TLCD2: variants seen among roughly 807,000 people sequenced by gnomAD.
TLCD2 encodes the protein TLC domain-containing protein 2.
A neutral mutation model predicts 14.0 loss-of-function variants in TLCD2; 12 were observed. The ratio of observed to expected loss-of-function variants is 0.86; its 90% confidence interval spans 0.55 to 1.39. The LOEUF is 1.39. Among genes scored for constraint, TLCD2 ranks in the 40% most tolerant of loss-of-function variants. TLCD2 has a pLI of 0.00. For missense variants in TLCD2, 360 were observed against 346.8 expected, an observed-to-expected ratio of 1.04 and a Z score of -0.30; for synonymous variants, 166 against 156.5, an observed-to-expected ratio of 1.06 and a Z score of -0.45.
Position 1,705,153 on chromosome 17 carries a change from A to G in TLCD2, c.*2617T>C, listed in dbSNP as rs1913992887. On this transcript the variant is annotated 3_prime_UTR_variant, in exon 4 of 4. Transcript: ENST00000330676. The stretch of plus-strand genomic sequence containing the variant: ...CAGTCTCTGCCGACCGGTTACTGTC[A>G]GCCTGTCTTTAGGGTTTGCGCTGCA... 1 of 152,168 alleles carries G rather than the reference A, an allele frequency of 6.6e-6. No homozygotes were observed. The highest frequency in any genetic ancestry group is 1.5e-5 in the Non-Finnish European group (1 of 68,098). The allele number at this position is 152,168 out of a possible 1,614,324, so 9.4% of individuals were successfully genotyped here.
In TLCD2 at chr17:1,707,454, C is replaced by G; in HGVS notation, c.*316G>C. 2 of 341,256 alleles carry G rather than the reference C, an allele frequency of 5.9e-6. No individual in the cohort carries two copies. Among genetic ancestry groups the G allele is most frequent in the Middle Eastern group, 7.9e-4 (1 of 1,272 alleles). The allele number at this position is 341,256 out of a possible 1,614,324, so 21.1% of individuals were successfully genotyped here. ...TTAAAGCAAAGAGCTTCTGTCTCCA[C>G]TGGCAGTTTCTTCCAGCTGCATGCC... On this transcript the variant is annotated 3_prime_UTR_variant, in exon 4 of 4. Coordinates refer to ENST00000330676, the MANE Select transcript of TLCD2 (RefSeq NM_001164407.2).
chr17:1,710,269 AGTCCGG>A lies in TLCD2; in HGVS notation c.-33_-28del. 6.8e-7 allele frequency: 1 copy of A among 1,479,518 alleles called. No homozygotes were observed. The highest frequency in any genetic ancestry group is 1.3e-5 in the South Asian group (1 of 77,042). 91.6% of individuals were successfully genotyped at this position (1,479,518 alleles called of 1,614,324 possible). A position where few individuals can be genotyped will look rare whatever the true frequency, so the allele number is the denominator to read the frequency against. ...GCCTGGCGGTTGGGGGGTTGCGGGG[AGTCCGG>A]GTCGGTCCCCTCGGCGCCCGCGCTC... On this transcript the variant is annotated 5_prime_UTR_variant, in exon 1 of 4. Coordinates refer to ENST00000330676, the MANE Select transcript of TLCD2 (RefSeq NM_001164407.2). The surrounding 1 kb of genome is among the most constrained non-coding windows in gnomAD (Gnocchi z 6.1).
chr17:1,707,964 T>C lies in TLCD2; in HGVS notation c.601A>G (p.Thr201Ala). The C allele has an allele frequency of 1.3e-6, 2 of 1,537,112 alleles. No individual in the cohort carries two copies. Among genetic ancestry groups the C allele is most frequent in the Non-Finnish European group, 8.7e-7 (1 of 1,146,904 alleles). ...GTGACCAGCCCAATTCCACCCAGGGTGACCAGAGCAAGAGGAACCTGGTGG... is the reference window on the plus strand; with the variant it reads ...GTGACCAGCCCAATTCCACCCAGGGCGACCAGAGCAAGAGGAACCTGGTGG... The part of the protein sequence containing the change: ...QHHQVPLALV[T>A]LGGIGLVTVG... The change falls in exon 4 of 4, where the codon ACC becomes GCC. Residue 201 changes from threonine (T) to alanine (A), a missense_variant. By Grantham distance (58) the Thr-to-Ala change is moderately conservative. Transcript: ENST00000330676.
rs1302953399 is a variant in TLCD2, at chr17:1,704,335, C to T, written c.*3435G>A. ...CTGGTCTTGAACTCCTGAGCTCAACCACTCCTCCTACCTCGGCCTCCCAAA... is the reference window on the plus strand; with the variant it reads ...CTGGTCTTGAACTCCTGAGCTCAACTACTCCTCCTACCTCGGCCTCCCAAA... On this transcript the variant is annotated 3_prime_UTR_variant, in exon 4 of 4. Transcript: ENST00000330676. 1 of 151,168 alleles carries T rather than the reference C, an allele frequency of 6.6e-6. No individual in the cohort carries two copies. Among genetic ancestry groups the T allele is most frequent in the Non-Finnish European group, 1.5e-5 (1 of 67,850 alleles). 9.4% of individuals were successfully genotyped at this position (151,168 alleles called of 1,614,324 possible). A position where few individuals can be genotyped will look rare whatever the true frequency, so the allele number is the denominator to read the frequency against.
chr17:1,710,117 G>C lies in TLCD2; in HGVS notation c.126C>G (p.Leu42=). ...GCAGGCTGTGCGCCAGGGAGACGCA[G>C]AGGTTCCACCACTGCCAGCGGTCCC... ...AARDRWQWWN[L]CVSLAHSLLS... is the part of the protein sequence containing the mutation. Residue 42 remains leucine, a synonymous_variant, in exon 1 of 4, where the codon CTC becomes CTG. Coordinates refer to ENST00000330676, the MANE Select transcript of TLCD2 (RefSeq NM_001164407.2). The surrounding 1 kb of genome is among the most constrained non-coding windows in gnomAD (Gnocchi z 6.1). 2 of 1,533,638 alleles carry C rather than the reference G, an allele frequency of 1.3e-6. No individual in the cohort carries two copies. Among genetic ancestry groups the C allele is most frequent in the Non-Finnish European group, 1.7e-6 (2 of 1,146,368 alleles).
intron 2 of TLCD2, 70 bp from the exon 3 acceptor site, chr17:1,709,651 C>G (rs1380545301): frequency 7.5e-7 from 1 of 1,325,698 alleles, no homozygotes; most frequent in Non-Finnish European, 1.0e-6. Context: ...TCCAGCCCCC[C>G]CGCCCCGCCC....
In TLCD2 at chr17:1,709,576, A is replaced by G. The variant is rs1420860202; in HGVS notation, c.265T>C (p.Phe89Leu). 4 of 1,537,050 alleles carry G rather than the reference A, an allele frequency of 2.6e-6. No homozygotes were observed. In the Admixed American group the frequency reaches 5.9e-5, roughly 23 times the overall value. The change falls in exon 3 of 4, where the codon TTC becomes CTC. Residue 89 changes from phenylalanine (F) to leucine (L), a missense_variant. Physicochemically the swap from Phe to Leu is conservative, Grantham distance 22. Transcript: ENST00000330676. ...LVLVAVSVGYFLADGADLLWN... is the reference protein window; with the variant it reads ...LVLVAVSVGYLLADGADLLWN... ...AGCAGGTCAGCTCCGTCTGCCAGGAAGTAACCTGTGGGCATGGGGGTAGGG... is the reference window on the plus strand; with the variant it reads ...AGCAGGTCAGCTCCGTCTGCCAGGAGGTAACCTGTGGGCATGGGGGTAGGG...
At position 1,709,523 on chromosome 17, in the gene TLCD2, C is replaced by G; in HGVS notation, c.318G>C (p.Trp106Cys). The part of the protein sequence containing the change: ...LLWNQTLGKT[W>C]DLLCHHLVVV... ...CCACCAAATGATGACAGAGAAGATCCCAGGTCTTGCCCAAGGTCTGGTTCC... is the reference window on the plus strand; with the variant it reads ...CCACCAAATGATGACAGAGAAGATCGCAGGTCTTGCCCAAGGTCTGGTTCC... Residue 106 changes from tryptophan to cysteine, a missense_variant, in exon 3 of 4, where the codon TGG becomes TGC. Trp to Cys is a radical substitution (Grantham distance 215, BLOSUM62 -2). Coordinates refer to ENST00000330676, the MANE Select transcript of TLCD2 (RefSeq NM_001164407.2). 3.3e-6 allele frequency: 5 copies of G among 1,537,074 alleles called. No homozygotes were observed. The African/African-American group carries it at 6.8e-5, about 21-fold the overall frequency.
chr17:1,708,098 T>C lies in TLCD2; in HGVS notation c.467A>G (p.Gln156Arg), dbSNP rs1164524916. The C allele has an allele frequency of 2.6e-6, 4 of 1,537,010 alleles. No homozygotes were observed. The African/African-American group carries it at 5.5e-5, about 21-fold the overall frequency. ...HLRKLLLLSR[Q>R]APSLAFSVTS... ...CACGCTGAAGGCCAGGGATGGGGCC[T>C]GGCGAGAAAGCAACAGCAGCTTCCG... Residue 156 changes from glutamine (Q) to arginine (R), a missense_variant, in exon 4 of 4, where the codon CAG becomes CGG. Physicochemically the swap from Gln to Arg is conservative, Grantham distance 43 (BLOSUM62 1). Coordinates refer to ENST00000330676, the MANE Select transcript of TLCD2 (RefSeq NM_001164407.2).
rs1385279833 is a variant in TLCD2, at chr17:1,707,418, C to G, written c.*352G>C. The G allele has an allele frequency of 7.8e-6, 2 of 257,720 alleles. No homozygotes were observed. Among genetic ancestry groups the G allele is most frequent in the Admixed American group, 9.7e-5 (2 of 20,610 alleles). 16.0% of individuals were successfully genotyped at this position (257,720 alleles called of 1,614,324 possible). A position where few individuals can be genotyped will look rare whatever the true frequency, so the allele number is the denominator to read the frequency against. ...CTAGTGGGACTTCACCTTCCCCCAT[C>G]TGTCCCTGGGTTAAAGCAAAGAGCT... On this transcript the variant is annotated 3_prime_UTR_variant, in exon 4 of 4. Coordinates refer to ENST00000330676, the MANE Select transcript of TLCD2 (RefSeq NM_001164407.2).
chr17:1,709,600 G>A lies in TLCD2; in HGVS notation c.260-19C>T. On this transcript the variant is annotated intron_variant, in intron 2 of 3. Coordinates refer to ENST00000330676, the MANE Select transcript of TLCD2 (RefSeq NM_001164407.2). Reference sequence around the variant, plus strand: ...AAGTAACCTGTGGGCATGGGGGTAGGGGTTAGGCTGCTCCAGAGCCCGGGC... The same window carrying A: ...AAGTAACCTGTGGGCATGGGGGTAGAGGTTAGGCTGCTCCAGAGCCCGGGC... 2.0e-6 allele frequency: 3 copies of A among 1,534,876 alleles called. No individual in the cohort carries two copies. Among genetic ancestry groups the A allele is most frequent in the Non-Finnish European group, 2.6e-6 (3 of 1,144,952 alleles).
chr17:1,703,028 A>C lies in TLCD2; in HGVS notation c.*4742T>G, dbSNP rs1597263335. On this transcript the variant is annotated 3_prime_UTR_variant, in exon 4 of 4. Coordinates refer to ENST00000330676, the MANE Select transcript of TLCD2 (RefSeq NM_001164407.2). ...GCACCACTGTGCTAAGCAGACTCCT[A>C]CCAAATGGAGCATCTGGCAATCTCT... is the stretch of plus-strand genomic sequence containing the variant. The C allele has an allele frequency of 6.6e-6, 1 of 150,598 alleles. No individual in the cohort carries two copies. Among genetic ancestry groups the C allele is most frequent in the East Asian group, 1.9e-4 (1 of 5,162 alleles). 9.3% of individuals were successfully genotyped at this position (150,598 alleles called of 1,614,324 possible). A position where few individuals can be genotyped will look rare whatever the true frequency, so the allele number is the denominator to read the frequency against.
chr17:1,709,262 T>C (rs1015784332), intron 3 of TLCD2, among the ~76,000 whole-genome samples: 1 of 151,522 alleles, frequency 6.6e-6, no homozygotes, highest in Non-Finnish European at 1.5e-5. Context: ...TGGTGGCGGG[T>C]GCCTGTAATC....
chr17:1,706,373 A>G lies in TLCD2; in HGVS notation c.*1397T>C, dbSNP rs1242122800. 1.3e-5 allele frequency: 2 copies of G among 152,338 alleles called. No homozygotes were observed. Among genetic ancestry groups the G allele is most frequent in the Non-Finnish European group, 2.9e-5 (2 of 68,164 alleles). 9.4% of individuals were successfully genotyped at this position (152,338 alleles called of 1,614,324 possible). On this transcript the variant is annotated 3_prime_UTR_variant, in exon 4 of 4. Coordinates refer to ENST00000330676, the MANE Select transcript of TLCD2 (RefSeq NM_001164407.2). ...AAGCCTGGGCCTGGGAAAACTCTGTACTGGGCACCTTTCCTTCTGTAATTC... is the reference window on the plus strand; with the variant it reads ...AAGCCTGGGCCTGGGAAAACTCTGTGCTGGGCACCTTTCCTTCTGTAATTC...
In TLCD2 at chr17:1,709,522, C is replaced by A; in HGVS notation, c.319G>T (p.Asp107Tyr). ...LWNQTLGKTW[D>Y]LLCHHLVVVS... ...ACCACCAAATGATGACAGAGAAGAT[C>A]CCAGGTCTTGCCCAAGGTCTGGTTC... is the stretch of plus-strand genomic sequence containing the variant. Residue 107 changes from aspartate (D) to tyrosine (Y), a missense_variant, in exon 3 of 4, where the codon GAT becomes TAT. Asp to Tyr is a radical substitution (Grantham distance 160). Transcript: ENST00000330676. 1 of 1,536,984 alleles carries A rather than the reference C, an allele frequency of 6.5e-7. No individual in the cohort carries two copies.
chr17:1,709,649 C>T, intron 2 of TLCD2, 68 bp from the exon 3 acceptor site: 1 of 1,316,268 alleles, frequency 7.6e-7, no homozygotes, highest in Non-Finnish European at 1.1e-6. Context: ...TTTCCAGCCC[C>T]CCCGCCCCGC....
rs1284268432 is a variant in TLCD2, at chr17:1,702,831, T to C, written c.*4939A>G. 1 of 152,232 alleles carries C rather than the reference T, an allele frequency of 6.6e-6. No individual in the cohort carries two copies. The allele number at this position is 152,232 out of a possible 1,614,324, so 9.4% of individuals were successfully genotyped here. On this transcript the variant is annotated 3_prime_UTR_variant, in exon 4 of 4. Transcript: ENST00000330676. Reference sequence around the variant, plus strand: ...ACTAATGCAATTATTTGCATAGCAATTTATTAATTTATAATCAGGATAGTG... The same window carrying C: ...ACTAATGCAATTATTTGCATAGCAACTTATTAATTTATAATCAGGATAGTG...
chr17:1,709,723 C>T lies in TLCD2; in HGVS notation c.259+81G>A, dbSNP rs558131056. The stretch of plus-strand genomic sequence containing the variant: ...CAGGAACGTTTAACCCCCATGGGGG[C>T]GGGGAATGGACCTGGAAGGACAGCA... On this transcript the variant is annotated intron_variant, in intron 2 of 3. Transcript: ENST00000330676. The T allele has an allele frequency of 3.9e-4, 447 of 1,137,642 alleles. 2 individuals carry two copies. The African/African-American group carries it at 6.4e-3, about 16-fold the overall frequency. 70.5% of individuals were successfully genotyped at this position (1,137,642 alleles called of 1,614,324 possible).
In TLCD2 at chr17:1,704,526, T is replaced by G. The variant is rs1189522072; in HGVS notation, c.*3244A>C. 1 of 152,168 alleles carries G rather than the reference T, an allele frequency of 6.6e-6. No individual in the cohort carries two copies. Among genetic ancestry groups the G allele is most frequent in the Non-Finnish European group, 1.5e-5 (1 of 68,052 alleles). The allele number at this position is 152,168 out of a possible 1,614,324, so 9.4% of individuals were successfully genotyped here. The stretch of plus-strand genomic sequence containing the variant: ...TAAATGCTCTGCTCTTATTTTCTGC[T>G]TGTGTTTAGCTCCTTCCAACTGTGT... On this transcript the variant is annotated 3_prime_UTR_variant, in exon 4 of 4. Coordinates refer to ENST00000330676, the MANE Select transcript of TLCD2 (RefSeq NM_001164407.2).
Sources: allele counts gnomAD v4.1 joint callset (sites outside exome capture counted in the v4.1 genomes callset), GRCh38; gene constraint gnomAD v4.1.1; non-coding constraint Gnocchi (gnomAD v3.1); transcripts MANE v1.5; gene names NCBI Gene and HGNC (gene_info 2026-07-23, HGNC 2026-07-21).